The following ABAT variants were observed in gnomAD, a reference collection of about 807,000 sequenced individuals.
ABAT encodes 4-aminobutyrate aminotransferase, mitochondrial.
ABAT carries 45 observed loss-of-function variants against 64.6 expected under a neutral mutation model. The observed-to-expected ratio is 0.70, with a 90% CI of 0.55 to 0.89. The LOEUF (loss-of-function observed/expected upper bound fraction) is 0.89. Ranked by LOEUF, ABAT falls within the 40% of genes least tolerant of loss-of-function variation. ABAT has a pLI of 0.00. For synonymous variants in ABAT, 297 were observed against 250.5 expected, an observed-to-expected ratio of 1.19 and a Z score of -1.75; for missense variants, 633 against 658.4, an observed-to-expected ratio of 0.96 and a Z score of 0.42.
chr16:8,676,602 C>T (rs894619953), intron 1 of ABAT, among the ~76,000 whole-genome samples: 1 of 152,196 alleles, frequency 6.6e-6, no homozygotes. Context: ...TGTGTTGAGG[C>T]CATTGCCAAA....
rs2060428838 is a variant in ABAT, at chr16:8,781,212, TGGA to T, written c.1382-96_1382-94del. On this transcript the variant is annotated intron_variant, in intron 15 of 15. Transcript: ENST00000268251. The surrounding 1 kb of genome is among the most constrained non-coding windows in gnomAD (Gnocchi z 4.5). ...GATGATGGATGGATGGATGGATGGA[TGGA>T]TGAGCGTTGCCAACAGGCATCACTT... The T allele has an allele frequency of 6.4e-7, 1 of 1,571,282 alleles. No individual in the cohort carries two copies. The highest frequency in any genetic ancestry group is 8.7e-7 in the Non-Finnish European group (1 of 1,143,878).
intron 1 of ABAT, among the ~76,000 whole-genome samples, chr16:8,705,272 G>A (rs1369585866): frequency 6.6e-6 from 1 of 152,102 alleles, no homozygotes; most frequent in African/African-American, 2.4e-5. Context: ...GAGAGAGAGA[G>A]AGAGCACACA....
In ABAT at chr16:8,775,476, C is replaced by T. The variant is rs565736556; in HGVS notation, c.1122+419C>T. 2.6e-5 allele frequency among the ~76,000 whole-genome samples: 4 copies of T among 152,298 alleles called. No individual in the cohort carries two copies. The South Asian group carries it at 8.3e-4, about 32-fold the overall frequency. ...GTTAAGTAATTTGTCAAAGGTCACA[C>T]AGCCTGTTAAGTGACAAAGCCAGGA... On this transcript the variant is annotated intron_variant, in intron 13 of 15. Transcript: ENST00000268251.
intron 1 of ABAT, among the ~76,000 whole-genome samples, chr16:8,726,234 C>G (rs1478927249): frequency 1.3e-5 from 2 of 150,880 alleles, no homozygotes; most frequent in East Asian, 3.9e-4. Flanking sequence ...ATCTCCAGTT[C>G]CATCCACGTT....
intron 1 of ABAT, among the ~76,000 whole-genome samples, chr16:8,681,821 T>A (rs1211272865): frequency 6.6e-6 from 1 of 151,984 alleles, no homozygotes; most frequent in African/African-American, 2.4e-5. Context: ...TTTGTATTTT[T>A]AGTGGAGACA....
At chr16:8,710,717 A>AAAGG (rs1567279206) in intron 1 of ABAT, among the ~76,000 whole-genome samples, 1 of 56,190 alleles carries the variant, frequency 1.8e-5, no homozygotes, top group Non-Finnish European at 5.2e-5. Context: ...AGAGAGAGAG[A>AAAGG]GAGAGAGAGA....
intron 2 of ABAT, 100 bp from the exon 3 acceptor site, chr16:8,745,901 C>G (rs2059313985): frequency 8.6e-7 from 1 of 1,168,154 alleles, no homozygotes; most frequent in Non-Finnish European, 1.3e-6. Context: ...GGCTAAGGTC[C>G]TGGCACTACC....
intron 1 of ABAT, among the ~76,000 whole-genome samples, chr16:8,717,368 TG>T (rs1313832535): frequency 6.6e-6 from 1 of 152,200 alleles, no homozygotes; most frequent in Non-Finnish European, 1.5e-5. Context: ...ATAAGATACA[TG>T]AAAAAAATTG....
intron 1 of ABAT, chr16:8,713,750 G>A (rs1057146005): frequency 7.5e-6 from 3 of 402,510 alleles, no homozygotes; most frequent in African/African-American, 6.1e-5. Context: ...GGTGCCCAAC[G>A]GCACCTCTTA....
chr16:8,736,080 G>C, intron 2 of ABAT: 1 of 467,970 alleles, frequency 2.1e-6, no homozygotes, highest in Non-Finnish European at 4.0e-6. Flanking sequence ...AGGAACAAAG[G>C]CACGTCTTAC....
intron 1 of ABAT, among the ~76,000 whole-genome samples, chr16:8,680,989 T>A (rs995125248): frequency 6.6e-6 from 1 of 151,628 alleles, no homozygotes; most frequent in Non-Finnish European, 1.5e-5. Context: ...TATCTATTTT[T>A]TTTTTTGAGA....
chr16:8,738,675 T>C (rs1461748386), intron 2 of ABAT, among the ~76,000 whole-genome samples: 2 of 149,428 alleles, frequency 1.3e-5, no homozygotes, highest in Non-Finnish European at 1.5e-5. Flanking sequence ...GGAGTCTCAC[T>C]CTGTTGGCCA....
chr16:8,699,103 C>T (rs768505147), intron 1 of ABAT, among the ~76,000 whole-genome samples: 1 of 152,070 alleles, frequency 6.6e-6, no homozygotes, highest in Admixed American at 6.6e-5. Context: ...TTTGAGGAAC[C>T]GCCTGTTTTC....
At chr16:8,762,867 G>A (rs2059836440) in intron 6 of ABAT, among the ~76,000 whole-genome samples, 1 of 152,092 alleles carries the variant, frequency 6.6e-6, no homozygotes. Flanking sequence ...AGCACTTTGG[G>A]AGGCTGAGGC....
At chr16:8,762,112 C>T (rs1567309203) in intron 6 of ABAT, among the ~76,000 whole-genome samples, 1 of 152,164 alleles carries the variant, frequency 6.6e-6, no homozygotes, top group Non-Finnish European at 1.5e-5. Context: ...GATCCTCCCA[C>T]CTCAGCCTCC....
chr16:8,687,436 G>A (rs2141953064), intron 1 of ABAT, among the ~76,000 whole-genome samples: 1 of 152,244 alleles, frequency 6.6e-6, no homozygotes, highest in South Asian at 2.1e-4. Context: ...TGAGGCAGGA[G>A]AATAGCTTGA....
intron 1 of ABAT, among the ~76,000 whole-genome samples, chr16:8,694,309 C>T (rs976460663): frequency 5.3e-5 from 8 of 152,058 alleles, no homozygotes; most frequent in African/African-American, 1.9e-4. Context: ...AGGCGTGAGC[C>T]ACCGCGCCCG....
chr16:8,781,272 G>A lies in ABAT; in HGVS notation c.1382-37G>A, dbSNP rs1220428862. On this transcript the variant is annotated intron_variant, in intron 15 of 15. Transcript: ENST00000268251. The surrounding 1 kb of genome is among the most constrained non-coding windows in gnomAD (Gnocchi z 4.5). ...CAGCTCTCCCAGCATGTGACTTTGA[G>A]AAACCACGCTCCTCACCTACCTCCT... The A allele has an allele frequency of 6.2e-7, 1 of 1,613,584 alleles. No homozygotes were observed. The highest frequency in any genetic ancestry group is 8.5e-7 in the Non-Finnish European group (1 of 1,179,878).
intron 12 of ABAT, among the ~76,000 whole-genome samples, chr16:8,773,433 T>C (rs560073776): frequency 6.6e-6 from 1 of 151,940 alleles, no homozygotes; most frequent in Admixed American, 6.6e-5. Flanking sequence ...ATTACAGGCC[T>C]GAGCCACCAC....
Sources: allele counts gnomAD v4.1 joint callset (sites outside exome capture counted in the v4.1 genomes callset), GRCh38; gene constraint gnomAD v4.1.1; non-coding constraint Gnocchi (gnomAD v3.1); transcripts MANE v1.5; gene names NCBI Gene and HGNC (gene_info 2026-07-23, HGNC 2026-07-21).